The following SCAPER variants were observed in gnomAD, a reference collection of about 807,000 sequenced individuals.
The protein encoded by SCAPER is S-phase cyclin A associated protein in the ER.
Under a neutral mutation model 182.2 loss-of-function variants are expected in SCAPER, and 98 were observed. That is an observed-to-expected ratio of 0.54 (90% CI 0.46 to 0.64). SCAPER has a LOEUF of 0.64. Among genes scored for constraint, SCAPER ranks in the 30% least tolerant of loss-of-function variants. The pLI, the probability that SCAPER is intolerant of heterozygous loss-of-function variation, is 0.00. For missense variants in SCAPER, 1,432 were observed against 1,690.0 expected, an observed-to-expected ratio of 0.85 and a Z score of 2.68; for synonymous variants, 605 against 564.6, an observed-to-expected ratio of 1.07 and a Z score of -1.01.
At chr15:76,793,123 A>C in intron 8 of SCAPER, 1 of 645,928 alleles carries the variant, frequency 1.5e-6, no homozygotes, top group Non-Finnish European at 2.5e-6. Flanking sequence ...GAGAACATTA[A>C]ATGCATGTGG....
At chr15:76,861,334 T>C (rs561426182) in intron 3 of SCAPER, among the ~76,000 whole-genome samples, 15 of 152,316 alleles carry the variant, frequency 9.8e-5, no homozygotes, top group African/African-American at 1.4e-4. Context: ...CTTAAAGCAA[T>C]TGATTAAATT....
intron 8 of SCAPER, among the ~76,000 whole-genome samples, chr15:76,783,159 G>C (rs968323272): frequency 6.6e-6 from 1 of 151,990 alleles, no homozygotes; most frequent in Non-Finnish European, 1.5e-5. Flanking sequence ...GAAGAAAAGA[G>C]AGAAGAATCA....
intron 23 of SCAPER, among the ~76,000 whole-genome samples, chr15:76,560,793 GGATATACACCTA>G (rs2046558804): frequency 6.6e-6 from 1 of 151,982 alleles, no homozygotes; most frequent in Non-Finnish European, 1.5e-5. Context: ...CAGTGCTGGG[GGATATACACCTA>G]GCACTAGAAA....
intron 21 of SCAPER, among the ~76,000 whole-genome samples, chr15:76,630,085 T>C (rs747707354): frequency 6.6e-6 from 1 of 152,206 alleles, no homozygotes; most frequent in Non-Finnish European, 1.5e-5. Context: ...GTGGGGTCTA[T>C]ACAGTATATA....
chr15:76,397,003 G>C (rs1488709508), intron 27 of SCAPER, among the ~76,000 whole-genome samples: 1 of 139,138 alleles, frequency 7.2e-6, no homozygotes. Flanking sequence ...CCAATTTTTT[G>C]AGAGTTTTTT....
intron 24 of SCAPER, chr15:76,472,082 C>T (rs768157908): frequency 5.9e-6 from 2 of 339,556 alleles, no homozygotes; most frequent in Non-Finnish European, 1.1e-5. Context: ...TAGCATATGT[C>T]CTGCCGCATC....
At chr15:76,471,508 T>C (rs1306401527) in intron 24 of SCAPER, among the ~76,000 whole-genome samples, 173 bp from the exon 25 acceptor site, 1 of 152,204 alleles carries the variant, frequency 6.6e-6, no homozygotes, top group Non-Finnish European at 1.5e-5. Flanking sequence ...TAAAAGCTTA[T>C]AATTTTCACC....
At chr15:76,570,533 C>T (rs2047363767) in intron 23 of SCAPER, among the ~76,000 whole-genome samples, 1 of 121,066 alleles carries the variant, frequency 8.3e-6, no homozygotes, top group South Asian at 2.5e-4. Context: ...TCTGAATTAC[C>T]TGTCACTATT....
chr15:76,434,023 T>C, intron 26 of SCAPER, 55 bp downstream of exon 26: 3 of 1,439,190 alleles, frequency 2.1e-6, no homozygotes, highest in Non-Finnish European at 2.8e-6. Flanking sequence ...ATTTAAATTA[T>C]TTTAATATAG....
intron 10 of SCAPER, among the ~76,000 whole-genome samples, chr15:76,771,126 G>A (rs747054701): frequency 5.9e-5 from 9 of 152,104 alleles, no homozygotes; most frequent in East Asian, 3.9e-4. Flanking sequence ...CTATTTCTTT[G>A]GAAAGCTAGT....
At chr15:76,892,507 G>T (rs181304983) in intron 1 of SCAPER, among the ~76,000 whole-genome samples, 1 of 152,238 alleles carries the variant, frequency 6.6e-6, no homozygotes, top group East Asian at 1.9e-4. Flanking sequence ...AAAAGTGGGC[G>T]AAGGATATGA....
intron 14 of SCAPER, among the ~76,000 whole-genome samples, chr15:76,760,961 G>T (rs749425737): frequency 6.6e-6 from 1 of 152,100 alleles, no homozygotes; most frequent in African/African-American, 2.4e-5. Context: ...ATGTTTCATA[G>T]AATTGATCAG....
chr15:76,451,592 C>T lies in SCAPER; in HGVS notation c.3079-17282G>A, dbSNP rs377483685. Among the ~76,000 whole-genome samples the T allele has an allele frequency of 3.3e-5, 5 of 152,284 alleles. No individual in the cohort carries two copies. The East Asian group carries it at 5.8e-4, about 18-fold the overall frequency. ...GAAACGTTAATGAGACCTAATATTG[C>T]TGCTTTTTCCTCTCTAAACAGACTG... On this transcript the variant is annotated intron_variant, in intron 25 of 31. Transcript: ENST00000563290.
At position 76,665,780 on chromosome 15, in the gene SCAPER, A is replaced by C. The variant is rs1361777325; in HGVS notation, c.2518T>G (p.Ser840Ala). ...ATGTCAATAATGTACTTCTTCAAGG[A>C]AAGATGCTCCTGCAAGATAAATAAA... The part of the protein sequence containing the change: ...ELSDEEVEHL[S>A]LKKYIIDIVV... The change falls in exon 21 of 32, where the codon TCC becomes GCC. Residue 840 changes from serine to alanine, a missense_variant. This residue lies in a region of SCAPER where 718 missense variants were observed against 799.7 expected (regional missense o/e 0.90). Coordinates refer to ENST00000563290, the MANE Select transcript of SCAPER (RefSeq NM_020843.4). The C allele has an allele frequency of 6.6e-7, 1 of 1,518,760 alleles. No individual in the cohort carries two copies. The highest frequency in any genetic ancestry group is 8.8e-7 in the Non-Finnish European group (1 of 1,136,636). 94.1% of individuals were successfully genotyped at this position (1,518,760 alleles called of 1,614,324 possible).
Position 76,868,219 on chromosome 15 carries a change from A to T in SCAPER, c.7-5686T>A, listed in dbSNP as rs544748703. Among the ~76,000 whole-genome samples the T allele has an allele frequency of 3.9e-5, 6 of 152,268 alleles. No individual in the cohort carries two copies. In the East Asian group the frequency reaches 9.6e-4, roughly 24 times the overall value. The stretch of plus-strand genomic sequence containing the variant: ...CTAATTAGCCTAGTTTGCAGATGAC[A>T]TCTTTTACTTAGAAAAAGATAAAGA... On this transcript the variant is annotated intron_variant, in intron 2 of 31. Coordinates refer to ENST00000563290, the MANE Select transcript of SCAPER (RefSeq NM_020843.4).
At chr15:76,692,475 G>A (rs2058415064) in intron 20 of SCAPER, among the ~76,000 whole-genome samples, 1 of 152,042 alleles carries the variant, frequency 6.6e-6, no homozygotes, top group Non-Finnish European at 1.5e-5. Context: ...GATCACATGA[G>A]GCCAGGATTT....
intron 20 of SCAPER, among the ~76,000 whole-genome samples, chr15:76,676,070 C>T (rs950155247): frequency 1.3e-5 from 2 of 152,202 alleles, no homozygotes; most frequent in African/African-American, 4.8e-5. Context: ...GGTGATCCAC[C>T]CACCTCGGCC....
At chr15:76,537,369 G>C (rs528510987) in intron 23 of SCAPER, among the ~76,000 whole-genome samples, 1 of 152,112 alleles carries the variant, frequency 6.6e-6, no homozygotes, top group African/African-American at 2.4e-5. Flanking sequence ...CCAAAACAGA[G>C]ATACAGATCA....
chr15:76,385,141 A>G (rs1422504859), intron 27 of SCAPER: 3 of 152,204 alleles, frequency 2.0e-5, no homozygotes, highest in Non-Finnish European at 4.4e-5. Flanking sequence ...TTTTTCATCA[A>G]TACTGCACAA....
Sources: gnomAD v4.1 joint callset for allele counts (sites outside exome capture counted in the v4.1 genomes callset) on GRCh38, gnomAD v4.1.1 for gene constraint, gnomAD v4.1.1 regional missense constraint, MANE v1.5 for transcripts, NCBI Gene and HGNC (gene_info 2026-07-23, HGNC 2026-07-21) for gene names.